The following PCSK1 variants were observed in gnomAD, a reference collection of about 807,000 sequenced individuals.
PCSK1 encodes the protein neuroendocrine convertase 1.
In PCSK1, 56 loss-of-function variants were observed where a neutral mutation model predicts 90.6. The observed-to-expected ratio is 0.62, with a 90% CI of 0.50 to 0.77. The LOEUF is 0.77. Among genes scored for constraint, PCSK1 ranks in the 30% least tolerant of loss-of-function variants. The probability of loss-of-function intolerance (pLI) is 0.00; values close to 1 mark genes in which losing one functional copy is unlikely to be tolerated. For missense variants in PCSK1, 801 were observed against 932.6 expected (o/e 0.86, Z 1.84); for synonymous variants, 348 against 342.4 (o/e 1.02, Z -0.18).
rs768831886 is a variant in PCSK1, at chr5:96,412,326, C to T, written c.874G>A (p.Val292Ile). ...TGTGTAAAGCATCTTACCTGTTTGA[C>T]ACCATATTCAAAAGCCTTCTGGGCT... The part of the protein sequence containing the change: ...RLAQKAFEYG[V>I]KQGRQGKGSI... The change falls in exon 7 of 14, where the codon GTC (valine) becomes ATC (isoleucine). Residue 292 changes from valine (V) to isoleucine (I), a missense_variant. Coordinates refer to ENST00000311106, the MANE Select transcript of PCSK1 (RefSeq NM_000439.5). 2 of 1,614,042 alleles carry T rather than the reference C, an allele frequency of 1.2e-6. No individual in the cohort carries two copies. Among genetic ancestry groups the T allele is most frequent in the Non-Finnish European group, 1.7e-6 (2 of 1,179,914 alleles).
chr5:96,396,890 C>T (rs1417488721), intron 12 of PCSK1, among the ~76,000 whole-genome samples: 1 of 152,210 alleles, frequency 6.6e-6, no homozygotes, highest in African/African-American at 2.4e-5. Flanking sequence ...AATAAGATAT[C>T]TCTCCAAACA....
Position 96,410,976 on chromosome 5 carries a change from C to T in PCSK1, c.893G>A (p.Gly298Glu). The T allele has an allele frequency of 3.1e-6, 5 of 1,612,358 alleles. No individual in the cohort carries two copies. The highest frequency in any genetic ancestry group is 4.2e-6 in the Non-Finnish European group (5 of 1,179,032). ...AGCCCAGACGAAGATGGACCCCTTC[C>T]CCTGTCTCCCCTAAAGGAAAAGCCA... The part of the protein sequence containing the change: ...FEYGVKQGRQ[G>E]KGSIFVWASG... Residue 298 changes from glycine (G) to glutamate (E), a missense_variant, in exon 8 of 14, where the codon GGG becomes GAG. Transcript: ENST00000311106.
rs933745425 is a variant in PCSK1, at chr5:96,403,300, A to T, written c.1197-3114T>A. ...ATTATTATACTTTAAGTTCTAGGGTACATGTGCACAACGTGCAGTTTTGTT... is the reference window on the plus strand; with the variant it reads ...ATTATTATACTTTAAGTTCTAGGGTTCATGTGCACAACGTGCAGTTTTGTT... On this transcript the variant is annotated intron_variant, in intron 9 of 13. Coordinates refer to ENST00000311106, the MANE Select transcript of PCSK1 (RefSeq NM_000439.5). 2.6e-5 allele frequency among the ~76,000 whole-genome samples: 4 copies of T among 152,144 alleles called. No individual in the cohort carries two copies. The East Asian group carries it at 5.8e-4, about 22-fold the overall frequency.
intron 8 of PCSK1, among the ~76,000 whole-genome samples, chr5:96,410,493 C>T (rs941374832): frequency 2.0e-5 from 3 of 151,912 alleles, no homozygotes; most frequent in African/African-American, 7.3e-5. Context: ...GCAGAAAAGA[C>T]ATTTGGAGTC....
chr5:96,430,248 AGC>A (rs1580771516), intron 1 of PCSK1, among the ~76,000 whole-genome samples: 1 of 152,288 alleles, frequency 6.6e-6, no homozygotes, highest in East Asian at 1.9e-4. Context: ...TATTCTTTTG[AGC>A]TAGTCTCCCT....
chr5:96,427,105 T>C (rs1390550196), intron 2 of PCSK1, among the ~76,000 whole-genome samples: 1 of 152,180 alleles, frequency 6.6e-6, no homozygotes, highest in Non-Finnish European at 1.5e-5. Flanking sequence ...CACTTGGAGA[T>C]TTTATTAACA....
chr5:96,399,881 G>T, intron 10 of PCSK1, 72 bp downstream of exon 10: 1 of 1,209,480 alleles, frequency 8.3e-7, no homozygotes, highest in Non-Finnish European at 1.2e-6. Flanking sequence ...AAAAAATCAG[G>T]CAGAATGGCA....
intron 1 of PCSK1, 57 bp from the exon 2 acceptor site, chr5:96,429,374 C>T: frequency 1.0e-6 from 1 of 957,284 alleles, no homozygotes; most frequent in East Asian, 2.4e-5. Context: ...TATATATGGA[C>T]TAGTTTAAAA....
At chr5:96,397,601 G>T in intron 11 of PCSK1, 132 bp from the exon 12 acceptor site, 1 of 777,508 alleles carries the variant, frequency 1.3e-6, no homozygotes, top group South Asian at 1.5e-5. Context: ...ATAAGACCAG[G>T]ATAGAGACAC....
At chr5:96,421,819 T>C (rs541102481) in intron 5 of PCSK1, 61 bp downstream of exon 5, 56 of 918,292 alleles carry the variant, frequency 6.1e-5, no homozygotes, top group Non-Finnish European at 9.0e-5. Flanking sequence ...GGTATAATTT[T>C]CTCAAACAAG....
chr5:96,405,238 T>C (rs1412761500), intron 9 of PCSK1, among the ~76,000 whole-genome samples: 2 of 152,220 alleles, frequency 1.3e-5, no homozygotes, highest in East Asian at 3.9e-4. Context: ...AATTAAATTC[T>C]TATGATAAGC....
In PCSK1 at chr5:96,393,192, C is replaced by T; in HGVS notation, c.2071G>A (p.Ala691Thr). Residue 691 changes from alanine (A) to threonine (T), a missense_variant, in exon 14 of 14, where the codon GCA becomes ACA. By Grantham distance (58) the Ala-to-Thr change is moderately conservative. Transcript: ENST00000311106. ...PKQSPKKSPS[A>T]KLNIPYENFY... ...TTTTCATAAGGGATGTTGAGCTTTGCACTTGGGGACTTCTTTGGTGATTGC... is the reference window on the plus strand; with the variant it reads ...TTTTCATAAGGGATGTTGAGCTTTGTACTTGGGGACTTCTTTGGTGATTGC... 6.2e-7 allele frequency: 1 copy of T among 1,614,136 alleles called. No individual in the cohort carries two copies.
chr5:96,430,185 G>T (rs78161519), intron 1 of PCSK1, among the ~76,000 whole-genome samples: 1 of 152,130 alleles, frequency 6.6e-6, no homozygotes, highest in African/African-American at 2.4e-5. Context: ...TAGAGGGTTT[G>T]TACTTCTCCG....
chr5:96,392,999 T>G lies in PCSK1; in HGVS notation c.*2A>C. On this transcript the variant is annotated 3_prime_UTR_variant, in exon 14 of 14. Transcript: ENST00000311106. ...TTTCCAACTTGGGACCACACACTTATTTTAATTTTCCTCATTCAGAATGTC... is the reference window on the plus strand; with the variant it reads ...TTTCCAACTTGGGACCACACACTTAGTTTAATTTTCCTCATTCAGAATGTC... The G allele has an allele frequency of 6.2e-7, 1 of 1,614,122 alleles. No individual in the cohort carries two copies. The highest frequency in any genetic ancestry group is 8.5e-7 in the Non-Finnish European group (1 of 1,179,974).
intron 13 of PCSK1, among the ~76,000 whole-genome samples, chr5:96,394,334 A>G (rs1372050264): frequency 6.6e-6 from 1 of 152,248 alleles, no homozygotes. Context: ...CTATCCTCTG[A>G]AATTTTTTGA....
Position 96,398,932 on chromosome 5 carries a change from G to A in PCSK1, c.1535C>T (p.Thr512Ile). 1 of 1,613,344 alleles carries A rather than the reference G, an allele frequency of 6.2e-7. No homozygotes were observed. ...KSLEHVQFEA[T>I]IEYSRRGDLH... ...GTCTCCTCTTCGGGAATATTCAATT[G>A]TTGCTTCAAATTGTACATGCTCCAG... Residue 512 changes from threonine (T) to isoleucine (I), a missense_variant, in exon 11 of 14, where the codon ACA becomes ATA. By Grantham distance (89) the Thr-to-Ile change is moderately conservative. Coordinates refer to ENST00000311106, the MANE Select transcript of PCSK1 (RefSeq NM_000439.5).
Position 96,412,544 on chromosome 5 carries a change from G to C in PCSK1, c.710-54C>G, listed in dbSNP as rs552589881. 2.4e-5 allele frequency: 35 copies of C among 1,473,462 alleles called. No individual in the cohort carries two copies. In the South Asian group the frequency reaches 4.0e-4, roughly 17 times the overall value. The allele number at this position is 1,473,462 out of a possible 1,614,324, so 91.3% of individuals were successfully genotyped here. On this transcript the variant is annotated intron_variant, in intron 6 of 13. Transcript: ENST00000311106. Reference sequence around the variant, plus strand: ...AAAGGTTGATGTCAGTATGTACATGGACAAAAGCCCAATACTCTTACTATT... The same window carrying C: ...AAAGGTTGATGTCAGTATGTACATGCACAAAAGCCCAATACTCTTACTATT...
intron 9 of PCSK1, among the ~76,000 whole-genome samples, chr5:96,402,205 A>T (rs1033462364): frequency 5.9e-5 from 9 of 152,168 alleles, no homozygotes; most frequent in Admixed American, 2.0e-4. Context: ...GCTCCTAGTT[A>T]AAAACCGTGT....
intron 4 of PCSK1, among the ~76,000 whole-genome samples, chr5:96,422,441 A>T (rs1017455217): frequency 6.6e-6 from 1 of 152,176 alleles, no homozygotes; most frequent in Non-Finnish European, 1.5e-5. Flanking sequence ...CACTAAATAA[A>T]CATGTAATTT....
Sources: allele counts gnomAD v4.1 joint callset (sites outside exome capture counted in the v4.1 genomes callset), GRCh38; gene constraint gnomAD v4.1.1; transcripts MANE v1.5; gene names NCBI Gene and HGNC (gene_info 2026-07-23, HGNC 2026-07-21).